GRPEL1: variants seen among roughly 807,000 people sequenced by gnomAD.
The protein encoded by GRPEL1 is GrpE like 1, mitochondrial, also known as grpE protein homolog 1, mitochondrial.
A neutral mutation model predicts 22.1 loss-of-function variants in GRPEL1; 13 were observed. The observed-to-expected ratio is 0.59, with a 90% CI of 0.38 to 0.94. The LOEUF is 0.94. Among genes scored for constraint, GRPEL1 ranks in the 40% least tolerant of loss-of-function variants. The pLI, the probability that GRPEL1 is intolerant of heterozygous loss-of-function variation, is 0.00. For synonymous variants in GRPEL1, 109 were observed against 105.3 expected (o/e 1.03, Z -0.21); for missense variants, 289 against 264.6 (o/e 1.09, Z -0.64).
rs1050061915 is a variant in GRPEL1, at chr4:7,059,435, A to C, written c.*1427T>G. ...TCGGGAGCTCCAGGGGTGATGATGC[A>C]CTCACAACCCCACAGCGTGAAAACA... On this transcript the variant is annotated 3_prime_UTR_variant, in exon 4 of 4. Transcript: ENST00000264954. 6.6e-6 allele frequency: 1 copy of C among 152,182 alleles called. No individual in the cohort carries two copies. Among genetic ancestry groups the C allele is most frequent in the Non-Finnish European group, 1.5e-5 (1 of 68,034 alleles). 9.4% of individuals were successfully genotyped at this position (152,182 alleles called of 1,614,324 possible). A position where few individuals can be genotyped will look rare whatever the true frequency, so the allele number is the denominator to read the frequency against.
Position 7,060,616 on chromosome 4 carries a change from G to A in GRPEL1, c.*246C>T, listed in dbSNP as rs1436867600. On this transcript the variant is annotated 3_prime_UTR_variant, in exon 4 of 4. Transcript: ENST00000264954. Reference sequence around the variant, plus strand: ...CTCATGATGCTCGGGAGACCAGGCAGGGCCCTGCTGAGCTCTTCTGAAAGT... The same window carrying A: ...CTCATGATGCTCGGGAGACCAGGCAAGGCCCTGCTGAGCTCTTCTGAAAGT... 1.9e-6 allele frequency: 1 copy of A among 523,616 alleles called. No homozygotes were observed. The highest frequency in any genetic ancestry group is 3.4e-6 in the Non-Finnish European group (1 of 295,966). The allele number at this position is 523,616 out of a possible 1,614,324, so 32.4% of individuals were successfully genotyped here.
At chr4:7,062,276 A>G in intron 3 of GRPEL1, 109 bp downstream of exon 3, 5 of 310,226 alleles carry the variant, frequency 1.6e-5, no homozygotes, top group East Asian at 7.5e-5. Flanking sequence ...CAACAGCTGG[A>G]CCCCCCACCC....
chr4:7,061,850 G>C (rs909814590), intron 3 of GRPEL1: 7 of 153,016 alleles, frequency 4.6e-5, no homozygotes, highest in Non-Finnish European at 1.0e-4. Flanking sequence ...ACCCTCCCTC[G>C]AGCCTTAGGT....
At chr4:7,063,791 A>G (rs574606708) in intron 2 of GRPEL1, among the ~76,000 whole-genome samples, 1 of 152,354 alleles carries the variant, frequency 6.6e-6, no homozygotes, top group East Asian at 1.9e-4. Flanking sequence ...CATACTGAGC[A>G]TTCCTCATTT....
At position 7,062,442 on chromosome 4, in the gene GRPEL1, C is replaced by A; in HGVS notation, c.250G>T (p.Asp84Tyr). 1 of 1,576,524 alleles carries A rather than the reference C, an allele frequency of 6.3e-7. No homozygotes were observed. The highest frequency in any genetic ancestry group is 8.6e-7 in the Non-Finnish European group (1 of 1,156,158). Residue 84 changes from aspartate to tyrosine, a missense_variant, in exon 3 of 4, where the codon GAC becomes TAC. Physicochemically the swap from Asp to Tyr is radical, Grantham distance 160. Transcript: ENST00000264954. ...CTCCTCTGCCGTAAGTTCTCAGTGT[C>A]TGCCAAAGCTCGTTTATATTTTTCC... ...TVEKYKRALA[D>Y]TENLRQRSQK...
intron 1 of GRPEL1, among the ~76,000 whole-genome samples, chr4:7,066,889 A>T (rs1724182041): frequency 6.6e-6 from 1 of 152,200 alleles, no homozygotes; most frequent in South Asian, 2.1e-4. Context: ...CATTCTAGAG[A>T]CAGAAATGAT....
chr4:7,067,567 A>G (rs1724200079), intron 1 of GRPEL1: 1 of 243,938 alleles, frequency 4.1e-6, no homozygotes, highest in Non-Finnish European at 7.9e-6. Context: ...GACCTTGGAC[A>G]AAGCTCGAGC....
intron 2 of GRPEL1, 143 bp downstream of exon 2, chr4:7,063,918 T>C: frequency 1.1e-6 from 1 of 884,324 alleles, no homozygotes; most frequent in Non-Finnish European, 1.6e-6. Context: ...GGCAGTAACT[T>C]GCCACCTGGG....
chr4:7,061,094 T>C lies in GRPEL1; in HGVS notation c.422A>G (p.Tyr141Cys), dbSNP rs1370801213. The change falls in exon 4 of 4, where the codon TAT becomes TGT. Residue 141 changes from tyrosine (Y) to cysteine (C), a missense_variant. Coordinates refer to ENST00000264954, the MANE Select transcript of GRPEL1 (RefSeq NM_025196.4). ...KDDNPHLKNL[Y>C]EGLVMTEVQI... ...GACTTCAGTCATGACCAGCCCCTCA[T>C]AGAGGTTCTTCAGGTGAGGGTTATC... 2.5e-6 allele frequency: 4 copies of C among 1,614,090 alleles called. No homozygotes were observed. The highest frequency in any genetic ancestry group is 2.7e-5 in the African/African-American group (2 of 74,948).
intron 3 of GRPEL1, 140 bp downstream of exon 3, chr4:7,062,245 T>TAA: frequency 2.3e-6 from 1 of 436,072 alleles, no homozygotes; most frequent in Non-Finnish European, 4.2e-6. Context: ...TGAGCCATCA[T>TAA]AAAAAAAAAT....
chr4:7,059,046 G>A lies in GRPEL1; in HGVS notation c.*1816C>T, dbSNP rs1723966994. On this transcript the variant is annotated 3_prime_UTR_variant, in exon 4 of 4. Coordinates refer to ENST00000264954, the MANE Select transcript of GRPEL1 (RefSeq NM_025196.4). ...CACCATATAGCCTAGGTGTGGAGGAGGCTCCACCACCTGTTTTTTAGGTCC... is the reference window on the plus strand; with the variant it reads ...CACCATATAGCCTAGGTGTGGAGGAAGCTCCACCACCTGTTTTTTAGGTCC... 1 of 152,194 alleles carries A rather than the reference G, an allele frequency of 6.6e-6. No homozygotes were observed. The highest frequency in any genetic ancestry group is 2.4e-5 in the African/African-American group (1 of 41,432). 9.4% of individuals were successfully genotyped at this position (152,194 alleles called of 1,614,324 possible).
chr4:7,067,869 CGGGGCCGAGGCCGGGAAGG>C lies in GRPEL1; in HGVS notation c.62+83_62+101del, dbSNP rs1430187963. 4 of 1,269,346 alleles carry C rather than the reference CGGGGCCGAGGCCGGGAAGG, an allele frequency of 3.2e-6. No homozygotes were observed. In the African/African-American group the frequency reaches 6.0e-5, roughly 19 times the overall value. 78.6% of individuals were successfully genotyped at this position (1,269,346 alleles called of 1,614,324 possible). A position where few individuals can be genotyped will look rare whatever the true frequency, so the allele number is the denominator to read the frequency against. Reference sequence around the variant, plus strand: ...CCGCGAGCCCGGAGATGCCCAGCTCCGGGGCCGAGGCCGGGAAGGAGGCCCCGGGGCCGGGAAAGGCCCC... The same window carrying C: ...CCGCGAGCCCGGAGATGCCCAGCTCCAGGCCCCGGGGCCGGGAAAGGCCCC... On this transcript the variant is annotated intron_variant, in intron 1 of 3. Transcript: ENST00000264954.
intron 1 of GRPEL1, chr4:7,067,690 T>G (rs1333140215): frequency 2.0e-6 from 1 of 507,924 alleles, no homozygotes; most frequent in Admixed American, 4.0e-5. Flanking sequence ...CACGCGCACG[T>G]GGGCCACCGT....
chr4:7,061,771 A>C (rs1161224633), intron 3 of GRPEL1: 1 of 154,880 alleles, frequency 6.5e-6, no homozygotes, highest in Non-Finnish European at 1.4e-5. Flanking sequence ...AGTCTCTGTG[A>C]ATGCGACAGA....
Position 7,059,089 on chromosome 4 carries a change from G to A in GRPEL1, c.*1773C>T. The A allele has an allele frequency of 6.6e-6, 1 of 152,166 alleles. No homozygotes were observed. The highest frequency in any genetic ancestry group is 1.5e-5 in the Non-Finnish European group (1 of 68,024). 9.4% of individuals were successfully genotyped at this position (152,166 alleles called of 1,614,324 possible). The stretch of plus-strand genomic sequence containing the variant: ...TTAGGTCCATGTAGGTACACATGGT[G>A]TTCACAGGAAAAACTGCCTGACAGC... On this transcript the variant is annotated 3_prime_UTR_variant, in exon 4 of 4. Coordinates refer to ENST00000264954, the MANE Select transcript of GRPEL1 (RefSeq NM_025196.4).
chr4:7,063,181 C>G (rs1724085695), intron 2 of GRPEL1, among the ~76,000 whole-genome samples: 1 of 151,494 alleles, frequency 6.6e-6, no homozygotes, highest in Non-Finnish European at 1.5e-5. Context: ...CCTCAACCTC[C>G]TGGGCTCAAG....
chr4:7,064,539 C>CTT (rs1041683393), intron 1 of GRPEL1, among the ~76,000 whole-genome samples: 1 of 150,926 alleles, frequency 6.6e-6, no homozygotes, highest in African/African-American at 2.4e-5. Context: ...ATATGTATTT[C>CTT]TTTTTTTTTG....
chr4:7,061,221 AAAG>A lies in GRPEL1; in HGVS notation c.308-16_308-14del, dbSNP rs752856947. 9 of 1,594,676 alleles carry A rather than the reference AAAG, an allele frequency of 5.6e-6. No individual in the cohort carries two copies. The highest frequency in any genetic ancestry group is 5.1e-5 in the Admixed American group (3 of 58,388). On this transcript the variant is annotated splice_polypyrimidine_tract_variant and intron_variant, in intron 3 of 3. Transcript: ENST00000264954. Reference sequence around the variant, plus strand: ...AAGGCTTGAATGCCTGGATGAAGTTAAAGAAGATCATTTGCACTCCATACCAAC... The same window carrying A: ...AAGGCTTGAATGCCTGGATGAAGTTAAAGATCATTTGCACTCCATACCAAC...
At position 7,059,215 on chromosome 4, in the gene GRPEL1, AGAT is replaced by A. The variant is rs1723973774; in HGVS notation, c.*1644_*1646del. On this transcript the variant is annotated 3_prime_UTR_variant, in exon 4 of 4. Transcript: ENST00000264954. ...AAACAATTCTGGTTCTAAGCATTTC[AGAT>A]GATAACCAACTTATAGTGACTATGG... The A allele has an allele frequency of 6.6e-6, 1 of 152,252 alleles. No homozygotes were observed. The highest frequency in any genetic ancestry group is 1.5e-5 in the Non-Finnish European group (1 of 68,048). The allele number at this position is 152,252 out of a possible 1,614,324, so 9.4% of individuals were successfully genotyped here.
Sources: allele counts gnomAD v4.1 joint callset (sites outside exome capture counted in the v4.1 genomes callset), GRCh38; gene constraint gnomAD v4.1.1; transcripts MANE v1.5; gene names NCBI Gene and HGNC (gene_info 2026-07-23, HGNC 2026-07-21).